NLGN1: variants seen among roughly 807,000 people sequenced by gnomAD.
The protein encoded by NLGN1 is neuroligin-1.
Under a neutral mutation model 65.5 loss-of-function variants are expected in NLGN1, and 12 were observed. The ratio of observed to expected loss-of-function variants is 0.18; its 90% CI spans 0.12 to 0.30. The LOEUF (loss-of-function observed/expected upper bound fraction) is 0.30. NLGN1 is among the 10% of genes least tolerant of loss of function. The pLI is 1.00. For missense variants in NLGN1, 750 were observed against 1,007.1 expected, an observed-to-expected ratio of 0.74 and a Z score of 3.46; for synonymous variants, 350 against 359.5, an observed-to-expected ratio of 0.97 and a Z score of 0.30.
intron 5 of NLGN1, among the ~76,000 whole-genome samples, chr3:174,278,521 T>C (rs1247882315): frequency 6.6e-6 from 1 of 151,908 alleles, no homozygotes; most frequent in Non-Finnish European, 1.5e-5. Context: ...CCCCATCTGG[T>C]TAATGTTGAT....
At chr3:173,582,644 A>T (rs1746574824) in intron 2 of NLGN1, among the ~76,000 whole-genome samples, 1 of 151,884 alleles carries the variant, frequency 6.6e-6, no homozygotes, top group Admixed American at 6.6e-5. Context: ...TTCCTATTAT[A>T]TTTTTTATCT....
At chr3:174,040,508 T>C (rs550093175) in intron 4 of NLGN1, among the ~76,000 whole-genome samples, 229 of 152,278 alleles carry the variant, frequency 1.5e-3, no homozygotes, top group Admixed American at 2.6e-3. Context: ...GGGCACCTCA[T>C]TTTATACATT....
intron 2 of NLGN1, among the ~76,000 whole-genome samples, chr3:173,575,621 A>G (rs1368157656): frequency 6.6e-6 from 1 of 152,182 alleles, no homozygotes; most frequent in Non-Finnish European, 1.5e-5. Flanking sequence ...AAGCAATCTT[A>G]TTCTGATCCC....
At chr3:174,144,507 G>T (rs1722849995) in intron 4 of NLGN1, among the ~76,000 whole-genome samples, 2 of 152,238 alleles carry the variant, frequency 1.3e-5, no homozygotes, top group South Asian at 2.1e-4. Flanking sequence ...TTCCACAACG[G>T]CTGAACTAAT....
intron 4 of NLGN1, among the ~76,000 whole-genome samples, chr3:174,083,081 A>G (rs1742567529): frequency 6.6e-6 from 1 of 152,142 alleles, no homozygotes; most frequent in African/African-American, 2.4e-5. Flanking sequence ...AACATAGATT[A>G]TGTTCTTAAA....
chr3:173,672,035 G>A (rs1046885335), intron 3 of NLGN1, among the ~76,000 whole-genome samples: 4 of 152,040 alleles, frequency 2.6e-5, no homozygotes, highest in East Asian at 1.9e-4. Flanking sequence ...TTAGCCGGGC[G>A]TGGTGGCAGA....
chr3:173,669,241 T>G (rs1247019124), intron 3 of NLGN1, among the ~76,000 whole-genome samples: 1 of 152,170 alleles, frequency 6.6e-6, no homozygotes, highest in African/African-American at 2.4e-5. Flanking sequence ...GAGGGCAATG[T>G]AATACAATCT....
chr3:174,046,213 T>C (rs1398407522), intron 4 of NLGN1, among the ~76,000 whole-genome samples: 1 of 152,154 alleles, frequency 6.6e-6, no homozygotes, highest in African/African-American at 2.4e-5. Flanking sequence ...TTGAAATTGC[T>C]TTCATATACA....
intron 1 of NLGN1, among the ~76,000 whole-genome samples, chr3:173,414,987 A>G (rs141110038): frequency 1.2e-3 from 185 of 152,368 alleles, no homozygotes; most frequent in African/African-American, 4.1e-3. Flanking sequence ...AGCCCACAAT[A>G]AGATGCAGAT....
intron 2 of NLGN1, among the ~76,000 whole-genome samples, chr3:173,560,383 A>T (rs925101535): frequency 4.6e-5 from 7 of 152,150 alleles, no homozygotes; most frequent in African/African-American, 1.7e-4. Context: ...AAGAAAGAGA[A>T]GGAAATGAAA....
chr3:174,254,344 T>A (rs1356153751), intron 4 of NLGN1, among the ~76,000 whole-genome samples: 1 of 145,390 alleles, frequency 6.9e-6, no homozygotes, highest in African/African-American at 2.7e-5. Context: ...AATTTAAAGT[T>A]TGGGATAGTG....
chr3:173,843,738 A>C (rs1472163509), intron 4 of NLGN1, among the ~76,000 whole-genome samples: 1 of 152,168 alleles, frequency 6.6e-6, no homozygotes, highest in African/African-American at 2.4e-5. Flanking sequence ...AAGCCATTCA[A>C]CAAGTCTCTA....
intron 3 of NLGN1, among the ~76,000 whole-genome samples, chr3:173,610,103 A>T (rs1271165751): frequency 6.6e-6 from 1 of 151,868 alleles, no homozygotes; most frequent in East Asian, 1.9e-4. Flanking sequence ...TCCAGGTAAG[A>T]CTTGGTCATG....
chr3:174,007,949 AGT>A (rs5854543), intron 4 of NLGN1, among the ~76,000 whole-genome samples: 5,172 of 148,638 alleles, frequency 0.035, 107 homozygotes, highest in Middle Eastern at 0.11. Context: ...GACCAGTCTA[AGT>A]GTGTGTGTGT....
intron 4 of NLGN1, among the ~76,000 whole-genome samples, chr3:174,186,109 A>G (rs1028885052): frequency 6.6e-6 from 1 of 152,116 alleles, no homozygotes; most frequent in African/African-American, 2.4e-5. Flanking sequence ...GAAAGAAAAG[A>G]TAGCTGTTAG....
chr3:173,971,424 G>C, intron 4 of NLGN1, among the ~76,000 whole-genome samples: 1 of 151,780 alleles, frequency 6.6e-6, no homozygotes, highest in Non-Finnish European at 1.5e-5. Context: ...GAAAAGGAGA[G>C]ACAGAGGATG....
At chr3:173,907,541 C>A (rs1429957675) in intron 4 of NLGN1, among the ~76,000 whole-genome samples, 1 of 151,374 alleles carries the variant, frequency 6.6e-6, no homozygotes, top group East Asian at 1.9e-4. Flanking sequence ...AAATGAGGAT[C>A]CAGGAGAAGG....
intron 1 of NLGN1, among the ~76,000 whole-genome samples, chr3:173,431,237 C>T (rs1245698587): frequency 6.6e-6 from 1 of 152,116 alleles, no homozygotes; most frequent in African/African-American, 2.4e-5. Context: ...GTTCCTGGCT[C>T]ATCTTGTGCT....
At chr3:173,527,153 C>T (rs966406702) in intron 2 of NLGN1, among the ~76,000 whole-genome samples, 14 of 152,162 alleles carry the variant, frequency 9.2e-5, no homozygotes, top group Non-Finnish European at 1.6e-4. Flanking sequence ...ACACCTTTCT[C>T]CACAGTGGAG....
Sources: gnomAD v4.1 joint callset for allele counts (sites outside exome capture counted in the v4.1 genomes callset) on GRCh38, gnomAD v4.1.1 for gene constraint, MANE v1.5 for transcripts, NCBI Gene and HGNC (gene_info 2026-07-23, HGNC 2026-07-21) for gene names.